The following MEF2C variants were observed in gnomAD, a reference collection of about 807,000 sequenced individuals.
MEF2C encodes the protein myocyte enhancer factor 2C.
In MEF2C, 6 loss-of-function variants were observed where a neutral mutation model predicts 50.5. That is an observed-to-expected ratio of 0.12 (90% confidence interval 0.07 to 0.23). The LOEUF is 0.23. MEF2C is among the 10% of genes least tolerant of loss of function. The pLI is 1.00. For synonymous variants in MEF2C, 183 were observed against 228.0 expected (o/e 0.80, Z 1.78); for missense variants, 276 against 605.0 (o/e 0.46, Z 5.70).
At chr5:88,773,131 C>A (rs972897758) in intron 3 of MEF2C, among the ~76,000 whole-genome samples, 4 of 152,240 alleles carry the variant, frequency 2.6e-5, no homozygotes, top group Non-Finnish European at 5.9e-5. Context: ...AGAGCAGAAT[C>A]TTTGTCTTTT....
intron 6 of MEF2C, chr5:88,738,380 A>G: frequency 1.0e-6 from 1 of 984,852 alleles, no homozygotes; most frequent in Non-Finnish European, 1.2e-6. Context: ...TGTAACTGCT[A>G]TGTAAGTGCT....
chr5:88,739,503 T>C (rs1301641792), intron 6 of MEF2C: 2 of 974,540 alleles, frequency 2.1e-6, no homozygotes, highest in Non-Finnish European at 2.4e-6. Context: ...TATTGTTTTG[T>C]GCCTCAAATG....
At chr5:88,728,764 G>T in intron 9 of MEF2C, 136 bp from the exon 10 acceptor site, 1 of 641,294 alleles carries the variant, frequency 1.6e-6, no homozygotes, top group Non-Finnish European at 2.3e-6. Context: ...ATTTTGAGGG[G>T]AGGGGAGATA....
At chr5:88,835,848 C>A (rs139606408) in intron 1 of MEF2C, among the ~76,000 whole-genome samples, 369 of 148,162 alleles carry the variant, frequency 2.5e-3, no homozygotes, top group African/African-American at 8.5e-3. Context: ...ATTATAAATT[C>A]TAATAAATAG....
intron 3 of MEF2C, among the ~76,000 whole-genome samples, chr5:88,770,391 CT>C (rs1456959729): frequency 6.6e-6 from 1 of 152,058 alleles, no homozygotes; most frequent in African/African-American, 2.4e-5. Flanking sequence ...TTGTAAATGC[CT>C]TTTTATTCAA....
At chr5:88,886,505 T>TTA (rs1286505210), upstream of MEF2C, among the ~76,000 whole-genome samples, 3 of 152,178 alleles carry the variant, frequency 2.0e-5, no homozygotes, top group Non-Finnish European at 4.4e-5. Context: ...CGCTTATGTG[T>TTA]TAAATGAGTT....
At position 88,728,641 on chromosome 5, in the gene MEF2C, A is replaced by G; in HGVS notation, c.965-13T>C. Reference sequence around the variant, plus strand: ...CTCAGAGAGTACTCTAGATTAAAGAATAAAACAACAAGGGAAAATATTAAA... The same window carrying G: ...CTCAGAGAGTACTCTAGATTAAAGAGTAAAACAACAAGGGAAAATATTAAA... On this transcript the variant is annotated splice_polypyrimidine_tract_variant and intron_variant, in intron 9 of 10. Transcript: ENST00000504921. The G allele has an allele frequency of 1.5e-6, 2 of 1,367,282 alleles. No individual in the cohort carries two copies. Among genetic ancestry groups the G allele is most frequent in the Non-Finnish European group, 1.9e-6 (2 of 1,049,506 alleles). The allele number at this position is 1,367,282 out of a possible 1,614,324, so 84.7% of individuals were successfully genotyped here.
At chr5:88,791,137 CA>C (rs1793561179) in intron 3 of MEF2C, among the ~76,000 whole-genome samples, 1 of 152,168 alleles carries the variant, frequency 6.6e-6, no homozygotes, top group Non-Finnish European at 1.5e-5. Context: ...TAGATGATAT[CA>C]ATGGCTAGAA....
intron 1 of MEF2C, among the ~76,000 whole-genome samples, chr5:88,826,327 T>C (rs939985830): frequency 2.6e-5 from 4 of 151,998 alleles, no homozygotes; most frequent in African/African-American, 4.8e-5. Context: ...TAAATTTCAA[T>C]AGAACTAAAC....
At chr5:88,797,449 C>A (rs574251684) in intron 3 of MEF2C, among the ~76,000 whole-genome samples, 1 of 131,552 alleles carries the variant, frequency 7.6e-6, no homozygotes, top group Non-Finnish European at 1.6e-5. Context: ...GGATTGCAAC[C>A]CTTGCCTTTT....
intron 6 of MEF2C, chr5:88,736,886 T>C (rs1764354002): frequency 1.0e-6 from 1 of 985,432 alleles, no homozygotes; most frequent in Non-Finnish European, 1.2e-6. Context: ...ACTGGCAGTA[T>C]TGGCTCTCCT....
chr5:88,752,566 T>C (rs918835759), intron 4 of MEF2C: 59 of 965,924 alleles, frequency 6.1e-5, no homozygotes, highest in Non-Finnish European at 7.3e-5. Context: ...AAAGTAACTC[T>C]AAAGATAATA....
At chr5:88,789,239 T>C (rs925079718) in intron 3 of MEF2C, among the ~76,000 whole-genome samples, 4 of 152,100 alleles carry the variant, frequency 2.6e-5, no homozygotes, top group East Asian at 3.9e-4. Flanking sequence ...TGATCACAGC[T>C]CACTGGAGCC....
intron 3 of MEF2C, among the ~76,000 whole-genome samples, chr5:88,781,777 A>C (rs1788184473): frequency 6.6e-6 from 1 of 152,172 alleles, no homozygotes; most frequent in African/African-American, 2.4e-5. Context: ...TTCAAGACCC[A>C]GCCTGGCCAA....
intron 7 of MEF2C, among the ~76,000 whole-genome samples, chr5:88,730,523 A>C (rs1050401823): frequency 6.6e-6 from 1 of 152,152 alleles, no homozygotes; most frequent in African/African-American, 2.4e-5. Flanking sequence ...TGTGCTTTGA[A>C]ACCTCACTTG....
At chr5:88,860,146 A>C (rs1352526500) in intron 1 of MEF2C, among the ~76,000 whole-genome samples, 2 of 152,218 alleles carry the variant, frequency 1.3e-5, no homozygotes, top group African/African-American at 4.8e-5. Context: ...TTTCTTTTAC[A>C]TAATGGCAAT....
intron 1 of MEF2C, among the ~76,000 whole-genome samples, chr5:88,869,558 T>C (rs1828858719): frequency 6.6e-6 from 1 of 151,476 alleles, no homozygotes; most frequent in South Asian, 2.1e-4. Flanking sequence ...ATGTCCATTA[T>C]CTATCTGCAT....
chr5:88,902,598 T>A (rs1463241121), intron 1 of MEF2C, among the ~76,000 whole-genome samples: 1 of 151,354 alleles, frequency 6.6e-6, no homozygotes, highest in Non-Finnish European at 1.5e-5. Flanking sequence ...ATGTCGTCAC[T>A]GATTTAAAAA....
rs537742678 is a variant in MEF2C at position 88,875,818 on chromosome 5, G to A, written c.-143+7137C>T. On this transcript the variant is annotated intron_variant, in intron 1 of 10. Coordinates refer to ENST00000504921, the MANE Select transcript of MEF2C (RefSeq NM_002397.5). ...CATTAGTTAGGGCTGAAATCACTCC[G>A]AGACAGAAGAGGGGAAGTTTATGAT... Among the ~76,000 whole-genome samples, 13 of 151,988 alleles carry A rather than the reference G, an allele frequency of 8.6e-5. 1 individual carries two copies. Among genetic ancestry groups the A allele is most frequent in the South Asian group, 8.3e-4 (4 of 4,816 alleles).
Sources: gnomAD v4.1 joint callset for allele counts (sites outside exome capture counted in the v4.1 genomes callset) on GRCh38, gnomAD v4.1.1 for gene constraint, MANE v1.5 for transcripts, NCBI Gene and HGNC (gene_info 2026-07-23, HGNC 2026-07-21) for gene names.